P2RY12: variants seen among roughly 807,000 people sequenced by gnomAD.
P2RY12 encodes purinergic receptor P2Y12.
P2RY12 carries 3 observed loss-of-function variants against 4.5 expected under a neutral mutation model. The observed-to-expected ratio is 0.67, with a 90% CI of 0.31 to 1.74. The LOEUF is 1.74. P2RY12 is among the 40% of genes most tolerant of loss of function. The probability of loss-of-function intolerance (pLI) is 0.09; values close to 1 mark genes in which losing one functional copy is unlikely to be tolerated. For synonymous variants in P2RY12, 148 were observed against 154.1 expected, an observed-to-expected ratio of 0.96 and a Z score of 0.29; for missense variants, 356 against 407.8, an observed-to-expected ratio of 0.87 and a Z score of 1.09.
intron 1 of P2RY12, among the ~76,000 whole-genome samples, chr3:151,379,287 C>G (rs1233016765): frequency 6.6e-6 from 1 of 152,200 alleles, no homozygotes; most frequent in Non-Finnish European, 1.5e-5. Context: ...TGAAAGATCG[C>G]TCTTCCCACA....
Position 151,338,240 on chromosome 3 carries a change from G to T in P2RY12, c.606C>A (p.Phe202Leu), listed in dbSNP as rs774623268. The T allele has an allele frequency of 5.0e-6, 8 of 1,613,994 alleles. No individual in the cohort carries two copies. Among genetic ancestry groups the T allele is most frequent in the East Asian group, 2.2e-5 (1 of 44,880 alleles). Residue 202 changes from phenylalanine to leucine, a missense_variant, in exon 3 of 3, where the codon TTC becomes TTA. Physicochemically the swap from Phe to Leu is conservative, Grantham distance 22 (BLOSUM62 0). Transcript: ENST00000302632. ...YICQVIFWIN[F>L]LIVIVCYTLI... ...GTGTATAACATACAATAACAATTAA[G>T]AAATTAATCCAGAAAATGACTTGAC...
chr3:151,362,395 C>T (rs1754720962), intron 1 of P2RY12, among the ~76,000 whole-genome samples: 2 of 152,176 alleles, frequency 1.3e-5, no homozygotes, highest in South Asian at 2.1e-4. Flanking sequence ...GACCTCTTTA[C>T]TGATCAAACA....
chr3:151,359,983 G>A (rs971673414), intron 1 of P2RY12, among the ~76,000 whole-genome samples: 31 of 152,170 alleles, frequency 2.0e-4, no homozygotes, highest in Non-Finnish European at 4.1e-4. Context: ...ATAGGGGAAT[G>A]TATACATGCA....
chr3:151,379,943 C>T (rs1024046626), intron 1 of P2RY12, among the ~76,000 whole-genome samples: 7 of 152,188 alleles, frequency 4.6e-5, no homozygotes, highest in Non-Finnish European at 8.8e-5. Flanking sequence ...AGAAGCATTA[C>T]AGTGGCTTTT....
At chr3:151,368,600 ATTTTATTT>A (rs1489734033) in intron 1 of P2RY12, among the ~76,000 whole-genome samples, 1 of 61,954 alleles carries the variant, frequency 1.6e-5, no homozygotes, top group Non-Finnish European at 3.1e-5. Flanking sequence ...ATTTTATTTT[ATTTTATTT>A]TATTTTATTT....
intron 1 of P2RY12, among the ~76,000 whole-genome samples, chr3:151,344,807 T>A (rs549246920): frequency 6.6e-6 from 1 of 152,238 alleles, no homozygotes; most frequent in East Asian, 1.9e-4. Context: ...TTAAAAATTC[T>A]ATGATAATTG....
chr3:151,345,810 C>G (rs913505704), intron 1 of P2RY12, among the ~76,000 whole-genome samples: 1 of 152,112 alleles, frequency 6.6e-6, no homozygotes, highest in African/African-American at 2.4e-5. Context: ...AGCCACCATG[C>G]CCAGCCTACA....
chr3:151,380,008 C>A, intron 1 of P2RY12: 2 of 679,968 alleles, frequency 2.9e-6, no homozygotes, highest in Non-Finnish European at 4.9e-6. Context: ...GGCTATTTAC[C>A]ACCTCTCTTA....
intron 1 of P2RY12, among the ~76,000 whole-genome samples, chr3:151,353,668 T>G (rs1753529060): frequency 6.6e-6 from 1 of 152,252 alleles, no homozygotes; most frequent in African/African-American, 2.4e-5. Context: ...TGTTATTGTT[T>G]AAGACCATTA....
chr3:151,340,270 A>C (rs1751644594), intron 2 of P2RY12, among the ~76,000 whole-genome samples: 1 of 152,186 alleles, frequency 6.6e-6, no homozygotes, highest in Admixed American at 6.5e-5. Flanking sequence ...AGTCTGTAAG[A>C]TATTTAACAA....
intron 1 of P2RY12, among the ~76,000 whole-genome samples, chr3:151,369,923 G>T (rs1755973636): frequency 6.6e-6 from 1 of 152,068 alleles, no homozygotes; most frequent in Admixed American, 6.5e-5. Context: ...ATTTTATCCA[G>T]ATTATATTTC....
At chr3:151,376,665 C>T in intron 1 of P2RY12, 1 of 716,018 alleles carries the variant, frequency 1.4e-6, no homozygotes, top group Non-Finnish European at 2.3e-6. Flanking sequence ...AGATTGGGAA[C>T]CTTTTGACTC....
intron 1 of P2RY12, among the ~76,000 whole-genome samples, chr3:151,354,423 ATT>A (rs1423375545): frequency 6.6e-6 from 1 of 152,084 alleles, no homozygotes; most frequent in Non-Finnish European, 1.5e-5. Flanking sequence ...GAATGATTTA[ATT>A]TTTTGCCACT....
intron 1 of P2RY12, among the ~76,000 whole-genome samples, chr3:151,362,611 G>A (rs1031154823): frequency 6.6e-6 from 1 of 151,832 alleles, no homozygotes; most frequent in Non-Finnish European, 1.5e-5. Context: ...TTTATGGCCT[G>A]GCTCCTCCTT....
At chr3:151,364,167 T>A (rs1754995792) in intron 1 of P2RY12, among the ~76,000 whole-genome samples, 1 of 152,164 alleles carries the variant, frequency 6.6e-6, no homozygotes, top group African/African-American at 2.4e-5. Context: ...ATGGCTAAGT[T>A]TATATAGAAT....
chr3:151,350,179 A>T, intron 1 of P2RY12: 1 of 1,613,928 alleles, frequency 6.2e-7, no homozygotes, highest in Middle Eastern at 1.6e-4. Context: ...GAAAATTCTA[A>T]ATAAGAAGAG....
chr3:151,380,164 T>C (rs1467045897), intron 1 of P2RY12: 2 of 1,610,148 alleles, frequency 1.2e-6, no homozygotes, highest in South Asian at 2.2e-5. Context: ...TTACCTGCCT[T>C]AAGGGACAAG....
At chr3:151,348,354 A>G (rs1465748070) in intron 1 of P2RY12, among the ~76,000 whole-genome samples, 1 of 70,104 alleles carries the variant, frequency 1.4e-5, no homozygotes, top group Non-Finnish European at 3.7e-5. Context: ...AAAAAAAAAA[A>G]AAAAAAAAAG....
intron 1 of P2RY12, among the ~76,000 whole-genome samples, chr3:151,349,030 AAT>A (rs1378987472): frequency 5.9e-5 from 9 of 152,248 alleles, no homozygotes; most frequent in African/African-American, 2.2e-4. Flanking sequence ...CATGGGCAAA[AAT>A]ATACATAGAG....
Sources: allele counts gnomAD v4.1 joint callset (sites outside exome capture counted in the v4.1 genomes callset), GRCh38; gene constraint gnomAD v4.1.1; transcripts MANE v1.5; gene names NCBI Gene and HGNC (gene_info 2026-07-23, HGNC 2026-07-21).